The following SCARA3 variants were observed in gnomAD, a reference collection of about 807,000 sequenced individuals.
The protein encoded by SCARA3 is cellular stress response gene protein.
SCARA3 carries 39 observed loss-of-function variants against 47.0 expected under a neutral mutation model. That is an observed-to-expected ratio of 0.83 (90% confidence interval 0.64 to 1.08). SCARA3 has a LOEUF of 1.08. Among genes scored for constraint, SCARA3 ranks in the 50% least tolerant of loss-of-function variants. SCARA3 has a pLI of 0.00. For missense variants in SCARA3, 724 were observed against 792.3 expected (o/e 0.91, Z 1.04); for synonymous variants, 356 against 334.1 (o/e 1.07, Z -0.71).
At chr8:27,637,868 G>T (rs1180000517) in intron 1 of SCARA3, among the ~76,000 whole-genome samples, 3 of 151,878 alleles carry the variant, frequency 2.0e-5, no homozygotes, top group Non-Finnish European at 4.4e-5. Context: ...ACTCATGAGC[G>T]GCCAGGCTGG....
chr8:27,731,744 C>G, the SCARA3 span, among the ~76,000 whole-genome samples: 1 of 151,848 alleles, frequency 6.6e-6, no homozygotes, highest in Admixed American at 6.6e-5. Context: ...AAAGCAATTC[C>G]AGTTTTGAAA....
chr8:27,667,001 C>T (rs1285394858), intron 5 of SCARA3, among the ~76,000 whole-genome samples: 1 of 152,198 alleles, frequency 6.6e-6, no homozygotes, highest in African/African-American at 2.4e-5. Flanking sequence ...CTCCTTCCCA[C>T]GCACCTCGGC....
chr8:27,698,917 A>C, the SCARA3 span, among the ~76,000 whole-genome samples: 3 of 152,248 alleles, frequency 2.0e-5, no homozygotes, highest in African/African-American at 7.2e-5. Context: ...CTATATATAT[A>C]TCTCATGTTC....
In SCARA3 at chr8:27,671,890, G is replaced by A. The variant is rs1802175674; in HGVS notation, c.*539G>A. On this transcript the variant is annotated 3_prime_UTR_variant, in exon 6 of 6. Coordinates refer to ENST00000301904, the MANE Select transcript of SCARA3 (RefSeq NM_016240.3). ...GTTTCCCTGGCTGGGCAGGAGGAGA[G>A]GGCAGAGGAAGACCCCCTCTCCTGT... 1 of 985,466 alleles carries A rather than the reference G, an allele frequency of 1.0e-6. No homozygotes were observed. Among genetic ancestry groups the A allele is most frequent in the Non-Finnish European group, 1.2e-6 (1 of 829,956 alleles). 61.0% of individuals were successfully genotyped at this position (985,466 alleles called of 1,614,324 possible). A position where few individuals can be genotyped will look rare whatever the true frequency, so the allele number is the denominator to read the frequency against.
the SCARA3 span, among the ~76,000 whole-genome samples, chr8:27,699,319 A>G: frequency 6.7e-6 from 1 of 150,282 alleles, no homozygotes. Flanking sequence ...TCCAATCAAA[A>G]TCCCAGCAGC....
the SCARA3 span, among the ~76,000 whole-genome samples, chr8:27,732,831 G>C: frequency 1.3e-5 from 2 of 152,180 alleles, no homozygotes; most frequent in Non-Finnish European, 2.9e-5. Flanking sequence ...AGAAAAACTT[G>C]TATGTTTGTG....
At position 27,651,485 on chromosome 8, in the gene SCARA3, T is replaced by C. The variant is rs200774775; in HGVS notation, c.107-23T>C. On this transcript the variant is annotated intron_variant, in intron 2 of 5. Transcript: ENST00000301904. ...AACCTGGGCCCCTGGCCTAAGCCAT[T>C]GTCCTCCTTGTGTCCCCCACAGGCC... The C allele has an allele frequency of 3.0e-5, 49 of 1,608,356 alleles. No individual in the cohort carries two copies. The African/African-American group carries it at 5.9e-4, about 19-fold the overall frequency.
chr8:27,679,725 G>C (rs112697677), downstream of SCARA3: 2 of 152,164 alleles, frequency 1.3e-5, no homozygotes, highest in East Asian at 1.9e-4. Flanking sequence ...GAGCCATAAG[G>C]TAAGTCTCAA....
rs1355825261 is a variant in SCARA3 at position 27,672,650 on chromosome 8, C to G, written c.*1299C>G. The G allele has an allele frequency of 2.0e-6, 2 of 985,436 alleles. No individual in the cohort carries two copies. The highest frequency in any genetic ancestry group is 2.4e-6 in the Non-Finnish European group (2 of 830,014). 61.0% of individuals were successfully genotyped at this position (985,436 alleles called of 1,614,324 possible). On this transcript the variant is annotated 3_prime_UTR_variant, in exon 6 of 6. Coordinates refer to ENST00000301904, the MANE Select transcript of SCARA3 (RefSeq NM_016240.3). ...GGGCCTGGACACTCACAGAGGCCCC[C>G]TCTGTCATCACTCCTTGGCACCCAC... is the stretch of plus-strand genomic sequence containing the variant.
chr8:27,715,831 T>C, the SCARA3 span, among the ~76,000 whole-genome samples: 1 of 93,314 alleles, frequency 1.1e-5, no homozygotes, highest in Non-Finnish European at 2.1e-5. The surrounding 1 kb of genome is among the most constrained non-coding windows in gnomAD (Gnocchi z 4.2). Flanking sequence ...AGATGATAGA[T>C]AGATAGATAG....
At chr8:27,724,580 C>T in the SCARA3 span, among the ~76,000 whole-genome samples, 3 of 152,316 alleles carry the variant, frequency 2.0e-5, no homozygotes, top group South Asian at 4.1e-4. Flanking sequence ...ACCGTTTGAA[C>T]CCGGGAGGCA....
the SCARA3 span, among the ~76,000 whole-genome samples, chr8:27,684,780 C>G: frequency 6.6e-6 from 1 of 152,070 alleles, no homozygotes; most frequent in South Asian, 2.1e-4. Flanking sequence ...GTCCCAGCTA[C>G]TCAAGAGGCT....
rs1279110404 is a variant in SCARA3, at chr8:27,634,123, G to A, written c.-78G>A. The A allele has an allele frequency of 1.3e-5, 18 of 1,379,510 alleles. No homozygotes were observed. Among genetic ancestry groups the A allele is most frequent in the Middle Eastern group, 2.3e-4 (1 of 4,434 alleles). The allele number at this position is 1,379,510 out of a possible 1,614,324, so 85.5% of individuals were successfully genotyped here. ...TAGGACGGCGATCCGCGCCCTGGAG[G>A]ATCCGCCGGCCGCCCGGCTCCACTA... On this transcript the variant is annotated 5_prime_UTR_variant, in exon 1 of 6. Coordinates refer to ENST00000301904, the MANE Select transcript of SCARA3 (RefSeq NM_016240.3).
downstream of SCARA3, chr8:27,673,117 C>T (rs1036712): frequency 0.061 from 32,185 of 524,150 alleles, 1,196 homozygotes; most frequent in East Asian, 0.2. Context: ...TGACGAGGGT[C>T]CCCCAAAAAT....
At chr8:27,733,246 G>T in the SCARA3 span, 1 of 152,286 alleles carries the variant, frequency 6.6e-6, no homozygotes, top group South Asian at 2.1e-4. Context: ...AAAACAAGCA[G>T]GCACATCCCA....
At chr8:27,700,841 T>C in the SCARA3 span, among the ~76,000 whole-genome samples, 67,763 of 152,020 alleles carry the variant, frequency 0.45, 16,496 homozygotes, top group Non-Finnish European at 0.55. Context: ...GGTGAAACTG[T>C]GAAGTGGTAC....
the SCARA3 span, chr8:27,733,816 T>C: frequency 6.6e-6 from 1 of 152,188 alleles, no homozygotes; most frequent in Non-Finnish European, 1.5e-5. Context: ...GTTTTCCTCA[T>C]AAACGGTTCC....
the SCARA3 span, among the ~76,000 whole-genome samples, chr8:27,685,178 T>C: frequency 3.5e-4 from 53 of 152,260 alleles, 3 homozygotes; most frequent in East Asian, 8.9e-3. Flanking sequence ...TTATGAAAAT[T>C]TGACACCAAT....
chr8:27,660,962 C>T (rs375410121), intron 5 of SCARA3, among the ~76,000 whole-genome samples: 44 of 152,216 alleles, frequency 2.9e-4, no homozygotes, highest in South Asian at 6.2e-4. Flanking sequence ...GTCCAAAATC[C>T]GCAGAGCTGA....
Sources: gnomAD v4.1 joint callset for allele counts (sites outside exome capture counted in the v4.1 genomes callset) on GRCh38, gnomAD v4.1.1 for gene constraint, Gnocchi (gnomAD v3.1) non-coding constraint, MANE v1.5 for transcripts, NCBI Gene and HGNC (gene_info 2026-07-23, HGNC 2026-07-21) for gene names.